TMEM164: variants seen among roughly 807,000 people sequenced by gnomAD.
TMEM164 encodes the protein transmembrane protein 164.
In TMEM164, 4 loss-of-function variants were observed where a neutral mutation model predicts 18.8. The ratio of observed to expected loss-of-function variants is 0.21; its 90% CI spans 0.10 to 0.49. TMEM164 has a LOEUF of 0.49. Ranked by LOEUF, TMEM164 falls within the 20% of genes least tolerant of loss-of-function variation. The pLI is 0.98. For missense variants in TMEM164, 108 were observed against 239.9 expected (o/e 0.45, Z 3.63); for synonymous variants, 86 against 101.7 (o/e 0.85, Z 0.93).
At chrX:110,005,006 ACTGT>A (rs1230433311) in intron 2 of TMEM164, among the ~76,000 whole-genome samples, 3 of 112,149 alleles carry the variant, frequency 2.7e-5, no homozygotes, top group African/African-American at 9.7e-5. Context: ...CAAGAGTGAG[ACTGT>A]CTGTATTCAG....
intron 2 of TMEM164, among the ~76,000 whole-genome samples, chrX:110,058,205 A>C (rs1935941047): frequency 9.0e-6 from 1 of 111,022 alleles, no homozygotes. Context: ...TCAAGCAAGC[A>C]TCTTTTCCCC....
intron 2 of TMEM164, among the ~76,000 whole-genome samples, chrX:110,022,721 C>T (rs1184643128): frequency 1.8e-5 from 2 of 111,961 alleles, no homozygotes; most frequent in African/African-American, 3.2e-5. Context: ...CAGGCCTAGT[C>T]GTACTAGAGA....
At chrX:110,105,175 A>ACCATCCATCCATCCATCCAT (rs55889712) in intron 3 of TMEM164, among the ~76,000 whole-genome samples, 1 of 88,990 alleles carries the variant, frequency 1.1e-5, no homozygotes, top group East Asian at 3.3e-4. Flanking sequence ...CTTCCATCCA[A>ACCATCCATCCATCCATCCAT]CCATCCATCC....
chrX:110,131,284 C>A (rs947109291), intron 4 of TMEM164, among the ~76,000 whole-genome samples: 1 of 111,842 alleles, frequency 8.9e-6, no homozygotes, highest in African/African-American at 3.3e-5. Flanking sequence ...AAAGCCAAAT[C>A]CAGATGCTTT....
intron 2 of TMEM164, among the ~76,000 whole-genome samples, chrX:110,060,468 A>G (rs1014475430): frequency 5.4e-5 from 6 of 111,309 alleles, no homozygotes; most frequent in Admixed American, 3.8e-4. Flanking sequence ...GAAGAGTTGT[A>G]AAGATATTAC....
At chrX:110,115,281 A>G (rs2066345113) in intron 4 of TMEM164, among the ~76,000 whole-genome samples, 1 of 112,510 alleles carries the variant, frequency 8.9e-6, no homozygotes, top group East Asian at 2.8e-4. Flanking sequence ...TTAAAAAGTT[A>G]TAGTTTGGAT....
intron 3 of TMEM164, among the ~76,000 whole-genome samples, chrX:110,105,732 AGAGAGAGAGAGAGAGAAT>A (rs1434916249): frequency 6.1e-5 from 5 of 81,361 alleles, no homozygotes; most frequent in Non-Finnish European, 1.1e-4. Context: ...ACACACACAC[AGAGAGAGAGAGAGAGAAT>A]GAGAGAGAGA....
In TMEM164 at chrX:110,117,039, G is replaced by A. The variant is rs558721042; in HGVS notation, c.507+7893G>A. On this transcript the variant is annotated intron_variant, in intron 4 of 6. Transcript: ENST00000372068. ...GCCTATTTCATAAAGCTATTGTGAG[G>A]ATTAAGTTAGTTGATGTGTGTAAAG... Among the ~76,000 whole-genome samples the A allele has an allele frequency of 7.2e-5, 8 of 111,402 alleles. No individual in the cohort carries two copies. In the South Asian group the frequency reaches 3.0e-3, roughly 42 times the overall value.
At chrX:110,024,217 A>T (rs1934071412) in intron 2 of TMEM164, among the ~76,000 whole-genome samples, 1 of 109,513 alleles carries the variant, frequency 9.1e-6, no homozygotes, top group African/African-American at 3.3e-5. Context: ...ATAATGAAAC[A>T]TTTTTTTTTT....
chrX:110,170,153 T>C (rs181842819), intron 5 of TMEM164, among the ~76,000 whole-genome samples: 25 of 112,744 alleles, frequency 2.2e-4, no homozygotes, highest in Non-Finnish European at 4.1e-4. Flanking sequence ...TCTGTCTCCA[T>C]GCAAGCTTGT....
chrX:110,010,787 A>G (rs1488363545), intron 2 of TMEM164, among the ~76,000 whole-genome samples: 5 of 111,750 alleles, frequency 4.5e-5, no homozygotes, highest in African/African-American at 1.6e-4. Flanking sequence ...GAGGGCCCCA[A>G]GTTATTGTGA....
chrX:110,056,513 G>A (rs1935840162), intron 2 of TMEM164, among the ~76,000 whole-genome samples: 2 of 112,125 alleles, frequency 1.8e-5, no homozygotes, highest in South Asian at 7.3e-4. Context: ...GTGCACATAG[G>A]TTTTTATTTC....
At chrX:110,062,555 T>C (rs1936164610) in intron 2 of TMEM164, among the ~76,000 whole-genome samples, 1 of 111,940 alleles carries the variant, frequency 8.9e-6, no homozygotes. Flanking sequence ...ATCTAGACTG[T>C]CTTCTATCAA....
chrX:110,173,460 ATTTT>A lies in TMEM164; in HGVS notation c.*20_*23del, dbSNP rs34813944. The A allele has an allele frequency of 8.5e-6, 9 of 1,055,405 alleles. No homozygotes were observed. In the Admixed American group the frequency reaches 1.4e-4, roughly 16 times the overall value. The allele number at this position is 1,055,405 out of a possible 1,213,427, so 87.0% of individuals were successfully genotyped here. On this transcript the variant is annotated 3_prime_UTR_variant, in exon 7 of 7. Transcript: ENST00000372068. ...CCAAGAAAATAGACTGAAGGTGCTT[ATTTT>A]TTTTTTTTTTCCTCCCTGAGGAAGC... is the stretch of plus-strand genomic sequence containing the variant.
intron 2 of TMEM164, among the ~76,000 whole-genome samples, chrX:110,004,401 G>T (rs899174063): frequency 9.0e-6 from 1 of 111,238 alleles, no homozygotes; most frequent in Non-Finnish European, 1.9e-5. Flanking sequence ...GGAACGACTG[G>T]CACTCACCCT....
chrX:110,133,085 A>G (rs1328505300), intron 4 of TMEM164, among the ~76,000 whole-genome samples: 2 of 111,793 alleles, frequency 1.8e-5, no homozygotes, highest in South Asian at 3.7e-4. Flanking sequence ...GTGAGTGGCT[A>G]TCTTCTCCCA....
chrX:110,017,249 C>A (rs775064804), intron 2 of TMEM164, among the ~76,000 whole-genome samples: 111 of 111,904 alleles, frequency 9.9e-4, no homozygotes, highest in Non-Finnish European at 1.7e-3. Context: ...TATAATACCA[C>A]ACATGGCCTC....
At chrX:110,060,360 G>T (rs1343988343) in intron 2 of TMEM164, among the ~76,000 whole-genome samples, 2 of 110,510 alleles carry the variant, frequency 1.8e-5, no homozygotes, top group Non-Finnish European at 3.8e-5. Context: ...GAAAGGTGGG[G>T]GATCAGGGGT....
At chrX:110,094,970 T>G (rs2065991351) in intron 3 of TMEM164, among the ~76,000 whole-genome samples, 1 of 111,965 alleles carries the variant, frequency 8.9e-6, no homozygotes, top group African/African-American at 3.2e-5. Context: ...AATTCTGGGT[T>G]GAAAATTCTT....
Sources: allele counts gnomAD v4.1 joint callset (sites outside exome capture counted in the v4.1 genomes callset), GRCh38; gene constraint gnomAD v4.1.1; transcripts MANE v1.5; gene names NCBI Gene and HGNC (gene_info 2026-07-23, HGNC 2026-07-21).